The following C8orf34 variants were observed in gnomAD, a reference collection of about 807,000 sequenced individuals.
The protein encoded by C8orf34 is uncharacterized protein C8orf34.
Under a neutral mutation model 68.3 loss-of-function variants are expected in C8orf34, and 65 were observed. That is an observed-to-expected ratio of 0.95 (90% CI 0.78 to 1.17). C8orf34 has a LOEUF of 1.17. C8orf34 is among the 50% of genes most tolerant of loss of function. The pLI, the probability that C8orf34 is intolerant of heterozygous loss-of-function variation, is 0.00. For synonymous variants in C8orf34, 244 were observed against 241.2 expected, an observed-to-expected ratio of 1.01 and a Z score of -0.11; for missense variants, 664 against 655.4, an observed-to-expected ratio of 1.01 and a Z score of -0.14.
intron 8 of C8orf34, among the ~76,000 whole-genome samples, chr8:68,659,854 G>T (rs1045083669): frequency 1.2e-4 from 18 of 151,986 alleles, no homozygotes; most frequent in African/African-American, 4.4e-4. Context: ...CTACCTTTAA[G>T]AGCACCTGTC....
At chr8:68,607,572 G>A (rs1212891731) in intron 7 of C8orf34, among the ~76,000 whole-genome samples, 2 of 152,044 alleles carry the variant, frequency 1.3e-5, no homozygotes. Flanking sequence ...ACATTCTAAG[G>A]TACTGGGAGT....
At chr8:68,432,782 C>T (rs1474348191) in intron 1 of C8orf34, among the ~76,000 whole-genome samples, 1 of 152,024 alleles carries the variant, frequency 6.6e-6, no homozygotes, top group African/African-American at 2.4e-5. Context: ...AGATGTCTGT[C>T]CTGTTCTCAC....
chr8:68,607,182 C>T (rs1817880686), intron 7 of C8orf34, among the ~76,000 whole-genome samples: 1 of 152,100 alleles, frequency 6.6e-6, no homozygotes, highest in South Asian at 2.1e-4. Flanking sequence ...TTATTTTCTT[C>T]TTCTTTGCTT....
chr8:68,399,144 A>G (rs747681281), intron 1 of C8orf34, among the ~76,000 whole-genome samples: 21 of 152,148 alleles, frequency 1.4e-4, no homozygotes, highest in Non-Finnish European at 2.9e-4. Context: ...AATAGTGAAA[A>G]TTTATTTATT....
At chr8:68,747,374 G>A (rs961115633) in intron 10 of C8orf34, among the ~76,000 whole-genome samples, 2 of 150,762 alleles carry the variant, frequency 1.3e-5, no homozygotes, top group Admixed American at 6.6e-5. Flanking sequence ...AGTGTTGGAA[G>A]TTCTGGCCAG....
At chr8:68,740,209 T>C (rs1822242014) in intron 10 of C8orf34, among the ~76,000 whole-genome samples, 4 of 151,962 alleles carry the variant, frequency 2.6e-5, no homozygotes, top group South Asian at 2.1e-4. Context: ...AATTTCACGA[T>C]AAAGATGCCA....
intron 1 of C8orf34, among the ~76,000 whole-genome samples, chr8:68,418,729 G>T (rs981013061): frequency 1.3e-5 from 2 of 152,072 alleles, no homozygotes; most frequent in South Asian, 2.1e-4. Flanking sequence ...AAGCAATGGG[G>T]AAAGGATTCC....
chr8:68,616,164 A>G (rs1415058548), intron 7 of C8orf34, among the ~76,000 whole-genome samples: 2 of 151,140 alleles, frequency 1.3e-5, no homozygotes, highest in East Asian at 3.9e-4. Context: ...TATTGCGTCT[A>G]TTTGATTCTT....
chr8:68,433,144 G>C (rs547113982), intron 1 of C8orf34, among the ~76,000 whole-genome samples: 1 of 152,188 alleles, frequency 6.6e-6, no homozygotes, highest in African/African-American at 2.4e-5. Flanking sequence ...TGGTGGTGGG[G>C]GTGAATGTTT....
At chr8:68,455,845 C>A (rs545643598) in intron 3 of C8orf34, among the ~76,000 whole-genome samples, 34 of 151,598 alleles carry the variant, frequency 2.2e-4, no homozygotes, top group African/African-American at 7.0e-4. Context: ...AAAAAAATTT[C>A]TGAGTATTGT....
At chr8:68,462,530 C>T (rs1811889189) in intron 3 of C8orf34, among the ~76,000 whole-genome samples, 1 of 151,604 alleles carries the variant, frequency 6.6e-6, no homozygotes, top group Non-Finnish European at 1.5e-5. Flanking sequence ...AAATTGACCA[C>T]ATAGTTGGAA....
chr8:68,525,956 C>CTTTAT (rs1814962801), intron 6 of C8orf34: 1 of 171,396 alleles, frequency 5.8e-6, no homozygotes, highest in Non-Finnish European at 1.1e-5. Context: ...TTCTTTCTTT[C>CTTTAT]TTTTTTTTTT....
At chr8:68,433,906 A>G (rs1176787226) in intron 1 of C8orf34, among the ~76,000 whole-genome samples, 2 of 152,116 alleles carry the variant, frequency 1.3e-5, no homozygotes, top group African/African-American at 4.8e-5. Flanking sequence ...GCATTTTGAG[A>G]CGATCATTGT....
intron 8 of C8orf34, among the ~76,000 whole-genome samples, chr8:68,667,788 G>T (rs553735755): frequency 6.6e-5 from 10 of 152,276 alleles, no homozygotes; most frequent in Middle Eastern, 3.4e-3. Flanking sequence ...GTCACTAGAG[G>T]GTTAAGCGAG....
chr8:68,688,255 G>A (rs990168095), intron 8 of C8orf34, among the ~76,000 whole-genome samples: 2 of 152,168 alleles, frequency 1.3e-5, no homozygotes, highest in East Asian at 3.9e-4. Flanking sequence ...CCACTACTGG[G>A]TATCTATTCA....
chr8:68,802,193 C>T (rs1043106992), intron 12 of C8orf34, among the ~76,000 whole-genome samples: 6 of 152,036 alleles, frequency 3.9e-5, no homozygotes, highest in Non-Finnish European at 1.5e-5. Context: ...CTCTCCCTCC[C>T]AAGTTCAAGT....
In C8orf34 at chr8:68,616,481, C is replaced by A. The variant is rs1010964377; in HGVS notation, c.1106-23895C>A. ...TTTGAATGTGTCCCAGAGATTCTGG[C>A]ATGTTGTGTCTTTGTCCTCATTGGT... On this transcript the variant is annotated intron_variant, in intron 7 of 13. Coordinates refer to ENST00000518698, the MANE Select transcript of C8orf34 (RefSeq NM_052958.4). Among the ~76,000 whole-genome samples the A allele has an allele frequency of 3.0e-3, 454 of 152,214 alleles. 1 individual carries two copies. The highest frequency in any genetic ancestry group is 5.3e-3 in the Non-Finnish European group (360 of 67,998).
At chr8:68,704,586 G>A (rs1821111610) in intron 8 of C8orf34, among the ~76,000 whole-genome samples, 2 of 152,040 alleles carry the variant, frequency 1.3e-5, no homozygotes, top group African/African-American at 4.8e-5. Flanking sequence ...AAATCCTTGT[G>A]AGTCAAGGAT....
chr8:68,688,182 G>A (rs914795534), intron 8 of C8orf34, among the ~76,000 whole-genome samples: 1 of 152,090 alleles, frequency 6.6e-6, no homozygotes, highest in Non-Finnish European at 1.5e-5. Context: ...TGGCAGGAAT[G>A]TAAATTACTA....
Sources: gnomAD v4.1 joint callset for allele counts (sites outside exome capture counted in the v4.1 genomes callset) on GRCh38, gnomAD v4.1.1 for gene constraint, MANE v1.5 for transcripts, NCBI Gene and HGNC (gene_info 2026-07-23, HGNC 2026-07-21) for gene names.